The following IDUA variants were observed in gnomAD, a reference collection of about 807,000 sequenced individuals.
IDUA encodes the protein iduronidase alpha-L-.
IDUA carries 65 observed loss-of-function variants against 68.9 expected under a neutral mutation model. That is an observed-to-expected ratio of 0.94 (90% CI 0.77 to 1.16). The LOEUF is 1.16. Among genes scored for constraint, IDUA ranks in the 50% most tolerant of loss-of-function variants. IDUA has a pLI of 0.00. For missense variants in IDUA, 1,046 were observed against 938.0 expected, an observed-to-expected ratio of 1.12 and a Z score of -1.50; for synonymous variants, 529 against 433.6, an observed-to-expected ratio of 1.22 and a Z score of -2.73.
intron 2 of IDUA, 167 bp downstream of exon 2, chr4:988,116 G>A: frequency 7.0e-7 from 1 of 1,420,930 alleles, no homozygotes; most frequent in East Asian, 2.6e-5. Context: ...AGGGCTGTGT[G>A]CTGGAGGGAG....
At chr4:988,991 T>C in intron 2 of IDUA, 2 of 1,593,130 alleles carry the variant, frequency 1.3e-6, no homozygotes, top group Non-Finnish European at 1.7e-6. Flanking sequence ...ACAGGCGGGC[T>C]GCAGCAGGCT....
At chr4:1,002,216 AC>A (rs1715131568) in intron 7 of IDUA, 52 bp from the exon 8 acceptor site, 6 of 1,574,390 alleles carry the variant, frequency 3.8e-6, no homozygotes, top group Non-Finnish European at 4.3e-6. Context: ...CCGAGACGGG[AC>A]AGGCGAGCGG....
In IDUA at chr4:1,004,292, C is replaced by G. The variant is rs121965025; in HGVS notation, c.1861C>G (p.Arg621Gly). 320 of 1,610,838 alleles carry G rather than the reference C, an allele frequency of 2.0e-4. 1 individual carries two copies. The highest frequency in any genetic ancestry group is 2.5e-4 in the Non-Finnish European group (293 of 1,179,952). ...TGAVSGSYRV[R>G]ALDYWARPGP... ...TGCTGTCTCTGGCTCCTACCGAGTT[C>G]GAGCCCTGGACTACTGGGCCCGACC... Residue 621 changes from arginine to glycine, a missense_variant, in exon 14 of 14, where the codon CGA becomes GGA. Arg to Gly is a moderately radical substitution (Grantham distance 125, BLOSUM62 -2). Transcript: ENST00000514224. This position sits in a 1 kb window ranked among gnomAD's most constrained non-coding sequence, Gnocchi z 5.0.
chr4:989,866 G>A lies in IDUA; in HGVS notation c.299+1917G>A, dbSNP rs148832260. ...ACTGCGGGCGAACATCTCCGCCAGC[G>A]AGATGGAGAAGGCGGCAGCCACGAG... On this transcript the variant is annotated intron_variant, in intron 2 of 13. Transcript: ENST00000514224. 604 of 1,576,230 alleles carry A rather than the reference G, an allele frequency of 3.8e-4. No homozygotes were observed. Among genetic ancestry groups the A allele is most frequent in the Non-Finnish European group, 5.0e-4 (576 of 1,161,922 alleles).
In IDUA at chr4:990,515, C is replaced by T. The variant is rs193201919; in HGVS notation, c.299+2566C>T. On this transcript the variant is annotated intron_variant, in intron 2 of 13. Transcript: ENST00000514224. ...TGTGTTCCAAACCAGACTCCTCACACGGGCCTGAGTTCTGGTTCCACGCGT... is the reference window on the plus strand; with the variant it reads ...TGTGTTCCAAACCAGACTCCTCACATGGGCCTGAGTTCTGGTTCCACGCGT... The T allele has an allele frequency of 4.6e-3, 3,370 of 735,216 alleles. 14 individuals carry two copies. The highest frequency in any genetic ancestry group is 6.5e-3 in the Non-Finnish European group (2,976 of 459,764). The allele number at this position is 735,216 out of a possible 1,614,324, so 45.5% of individuals were successfully genotyped here. A position where few individuals can be genotyped will look rare whatever the true frequency, so the allele number is the denominator to read the frequency against.
At chr4:989,325 C>T (rs1286250123) in intron 2 of IDUA, 1 of 1,609,086 alleles carries the variant, frequency 6.2e-7, no homozygotes, top group Non-Finnish European at 8.5e-7. Flanking sequence ...AGCGGAACAC[C>T]CGCACGCCGG....
At chr4:998,304 G>A (rs1714866386) in intron 2 of IDUA, among the ~76,000 whole-genome samples, 1 of 152,196 alleles carries the variant, frequency 6.6e-6, no homozygotes, top group African/African-American at 2.4e-5. Flanking sequence ...CACCATGGGA[G>A]GACCAGAAGG....
At chr4:990,708 C>T (rs1714221704) in intron 2 of IDUA, 1 of 417,226 alleles carries the variant, frequency 2.4e-6, no homozygotes, top group East Asian at 4.4e-5. Context: ...ACATGGTGCC[C>T]ACTGCCCCCC....
chr4:994,988 C>T (rs1714654517), intron 2 of IDUA, among the ~76,000 whole-genome samples: 1 of 152,054 alleles, frequency 6.6e-6, no homozygotes, highest in Admixed American at 6.5e-5. Flanking sequence ...TTGCTTGAGC[C>T]CTGGAGGTCC....
rs753947733 is a variant in IDUA, at chr4:989,690, C to T, written c.299+1741C>T. The T allele has an allele frequency of 5.6e-5, 88 of 1,563,396 alleles. No homozygotes were observed. Among genetic ancestry groups the T allele is most frequent in the Middle Eastern group, 1.7e-4 (1 of 5,870 alleles). On this transcript the variant is annotated intron_variant, in intron 2 of 13. Coordinates refer to ENST00000514224, the MANE Select transcript of IDUA (RefSeq NM_000203.5). ...AGCAGCACCACGGTGGCGCTGACCA[C>T]GCTGGACAGCTGTGTCCGGCAGCCA...
intron 12 of IDUA, 108 bp from the exon 13 acceptor site, chr4:1,003,904 G>T: frequency 1.0e-6 from 1 of 987,766 alleles, no homozygotes; most frequent in Non-Finnish European, 1.6e-6. Flanking sequence ...AGGTGCCGCC[G>T]AGGGGCTTGA....
At chr4:1,000,295 C>T (rs942031847) in intron 2 of IDUA, among the ~76,000 whole-genome samples, 2 of 152,252 alleles carry the variant, frequency 1.3e-5, no homozygotes, top group Non-Finnish European at 2.9e-5. Flanking sequence ...TCCTGCCTGG[C>T]TCCTGACCCC....
chr4:1,001,129 C>G (rs1316778972), intron 4 of IDUA, 140 bp downstream of exon 4: 3 of 685,392 alleles, frequency 4.4e-6, no homozygotes, highest in Non-Finnish European at 7.7e-6. Flanking sequence ...ATGGGGGTGA[C>G]AAGGGATAGG....
chr4:988,084 C>T (rs1577509625), intron 2 of IDUA, 135 bp downstream of exon 2: 2 of 1,453,802 alleles, frequency 1.4e-6, no homozygotes, highest in East Asian at 2.5e-5. Context: ...GAGAGCGTGT[C>T]CTTGCTGGCT....
At chr4:989,786 C>G in intron 2 of IDUA, 3 of 1,568,880 alleles carry the variant, frequency 1.9e-6, no homozygotes, top group Non-Finnish European at 2.6e-6. Context: ...GCGGGTAGCA[C>G]GTTGCAGCAG....
intron 2 of IDUA, chr4:989,900 CCACGGCATCCAAAGCCA>C (rs763026877): frequency 8.9e-6 from 14 of 1,564,772 alleles, no homozygotes; most frequent in Non-Finnish European, 6.1e-6. Flanking sequence ...AGGGCCAGGG[CCACGGCATCCAAAGCCA>C]CACGCTGCAT....
In IDUA at chr4:1,002,328, G is replaced by T; in HGVS notation, c.1032G>T (p.Ala344=). Residue 344 remains alanine (A), a synonymous_variant, in exon 8 of 14, where the codon GCG becomes GCT. Transcript: ENST00000514224. ...LANTTSAFPY[A]LLSNDNAFLS... ...ACACCACCTCCGCCTTCCCCTACGC[G>T]CTCCTGAGCAACGACAATGCCTTCC... 1 of 1,613,200 alleles carries T rather than the reference G, an allele frequency of 6.2e-7. No homozygotes were observed. The highest frequency in any genetic ancestry group is 8.5e-7 in the Non-Finnish European group (1 of 1,179,718).
chr4:1,002,675 G>C (rs1359504625), intron 8 of IDUA, 57 bp from the exon 9 acceptor site: 2 of 1,308,032 alleles, frequency 1.5e-6, no homozygotes, highest in South Asian at 1.4e-5. Flanking sequence ...CCGGCCCTGG[G>C]TCGGGGGGCG....
At position 1,002,424 on chromosome 4, in the gene IDUA, G is replaced by A. The variant is rs768841506; in HGVS notation, c.1128G>A (p.Pro376=). Residue 376 remains proline, a synonymous_variant, in exon 8 of 14, where the codon CCG becomes CCA. Coordinates refer to ENST00000514224, the MANE Select transcript of IDUA (RefSeq NM_000203.5). ...TARFQVNNTR[P]PHVQLLRKPV... ...GCTTCCAGGTCAACAACACCCGCCC[G>A]CCGCACGTGCAGCTGTTGCGCAAGC... 5.1e-6 allele frequency: 8 copies of A among 1,573,460 alleles called. No homozygotes were observed. Among genetic ancestry groups the A allele is most frequent in the South Asian group, 2.3e-5 (2 of 86,738 alleles).
Sources: gnomAD v4.1 joint callset for allele counts (sites outside exome capture counted in the v4.1 genomes callset) on GRCh38, gnomAD v4.1.1 for gene constraint, Gnocchi (gnomAD v3.1) non-coding constraint, MANE v1.5 for transcripts, NCBI Gene and HGNC (gene_info 2026-07-23, HGNC 2026-07-21) for gene names.